Variants in SIN3A observed in about 807,000 individuals in gnomAD.
SIN3A encodes the protein paired amphipathic helix protein Sin3a.
Under a neutral mutation model 146.1 loss-of-function variants are expected in SIN3A, and 14 were observed. The observed-to-expected ratio is 0.10, with a 90% CI of 0.06 to 0.15. SIN3A has a LOEUF of 0.15. Ranked by LOEUF, SIN3A falls within the 10% of genes least tolerant of loss-of-function variation. The pLI, the probability that SIN3A is intolerant of heterozygous loss-of-function variation, is 1.00. For missense variants in SIN3A, 1,028 were observed against 1,576.0 expected (o/e 0.65, Z 5.89); for synonymous variants, 572 against 572.0 (o/e 1.00, Z 0.00).
intron 1 of SIN3A, among the ~76,000 whole-genome samples, chr15:75,430,686 C>A (rs979223201): frequency 2.1e-4 from 32 of 152,088 alleles, no homozygotes; most frequent in African/African-American, 7.7e-4. Flanking sequence ...ATAAACACAA[C>A]CTTGTTTCCC....
intron 1 of SIN3A, among the ~76,000 whole-genome samples, chr15:75,439,476 G>A (rs1354017222): frequency 6.6e-6 from 1 of 151,998 alleles, no homozygotes; most frequent in African/African-American, 2.4e-5. Flanking sequence ...AAGTAACTGG[G>A]ACTACAGGCG....
intron 3 of SIN3A, among the ~76,000 whole-genome samples, chr15:75,417,169 A>G (rs2073754664): frequency 6.6e-6 from 1 of 152,158 alleles, no homozygotes; most frequent in African/African-American, 2.4e-5. Context: ...ATCACAAAGA[A>G]GAACAGGTTG....
Position 75,401,355 on chromosome 15 carries a change from C to T in SIN3A, c.1527-415G>A, listed in dbSNP as rs375176135. Among the ~76,000 whole-genome samples the T allele has an allele frequency of 4.6e-5, 7 of 152,078 alleles. No homozygotes were observed. In the South Asian group the frequency reaches 1.0e-3, roughly 23 times the overall value. On this transcript the variant is annotated intron_variant, in intron 10 of 20. Transcript: ENST00000394947. Reference sequence around the variant, plus strand: ...CCAGCCTGGCCAACATGGTAAAACACCGTCTCTACTAAAAAACATAACAAA... The same window carrying T: ...CCAGCCTGGCCAACATGGTAAAACATCGTCTCTACTAAAAAACATAACAAA...
At chr15:75,399,370 T>C (rs560214844) in intron 12 of SIN3A, among the ~76,000 whole-genome samples, 1 of 151,416 alleles carries the variant, frequency 6.6e-6, no homozygotes, top group Non-Finnish European at 1.5e-5. Context: ...CTAATAAAAA[T>C]ACAAAAAATT....
intron 2 of SIN3A, among the ~76,000 whole-genome samples, chr15:75,427,297 T>C (rs2073941118): frequency 6.6e-6 from 1 of 151,788 alleles, no homozygotes; most frequent in Admixed American, 6.6e-5. Flanking sequence ...CACTTGAACC[T>C]GGAAGCCAGA....
At chr15:75,427,647 G>C (rs1177030184) in intron 2 of SIN3A, among the ~76,000 whole-genome samples, 1 of 149,532 alleles carries the variant, frequency 6.7e-6, no homozygotes, top group Non-Finnish European at 1.5e-5. Flanking sequence ...GCAACAGACA[G>C]AGAGTCTGTC....
chr15:75,433,765 T>C (rs1459383179), intron 1 of SIN3A, among the ~76,000 whole-genome samples: 1 of 151,912 alleles, frequency 6.6e-6, no homozygotes, highest in Admixed American at 6.6e-5. Flanking sequence ...GCCGAGATCA[T>C]GCCACTGCAC....
In SIN3A at chr15:75,382,071, G is replaced by C. The variant is rs184806311; in HGVS notation, c.3196-366C>G. ...CTGTCCATTGGTAATCCCACTTCTA[G>C]GACGTAATAGAGGAGGTAACTATCA... On this transcript the variant is annotated intron_variant, in intron 17 of 20. Coordinates refer to ENST00000394947, the MANE Select transcript of SIN3A (RefSeq NM_001145358.2). 8.5e-5 allele frequency among the ~76,000 whole-genome samples: 13 copies of C among 152,298 alleles called. No homozygotes were observed. The East Asian group carries it at 2.5e-3, about 29-fold the overall frequency.
At chr15:75,382,664 C>A (rs1033274339) in intron 17 of SIN3A, among the ~76,000 whole-genome samples, 4 of 152,130 alleles carry the variant, frequency 2.6e-5, no homozygotes, top group South Asian at 2.1e-4. Context: ...AGACCATTTC[C>A]GGTCAGATGC....
At chr15:75,429,892 A>T (rs544577691) in intron 2 of SIN3A, among the ~76,000 whole-genome samples, 1 of 152,352 alleles carries the variant, frequency 6.6e-6, no homozygotes, top group Admixed American at 6.5e-5. Context: ...CAATTATGTT[A>T]GTTTTTTTAA....
chr15:75,378,819 T>G (rs373850789), intron 19 of SIN3A, among the ~76,000 whole-genome samples: 3 of 151,676 alleles, frequency 2.0e-5, no homozygotes, highest in African/African-American at 7.3e-5. Flanking sequence ...GCAATGCCAC[T>G]CTATTCACTA....
chr15:75,404,685 G>C (rs772285525), intron 9 of SIN3A, among the ~76,000 whole-genome samples: 3 of 151,654 alleles, frequency 2.0e-5, no homozygotes, highest in Non-Finnish European at 4.4e-5. Flanking sequence ...GCGTGAACCC[G>C]GGAGGTGGAG....
At chr15:75,431,958 C>T (rs948050374) in intron 1 of SIN3A, among the ~76,000 whole-genome samples, 1 of 152,204 alleles carries the variant, frequency 6.6e-6, no homozygotes, top group Non-Finnish European at 1.5e-5. Flanking sequence ...AATATGCTCT[C>T]TGTGGCCTAT....
intron 17 of SIN3A, among the ~76,000 whole-genome samples, chr15:75,382,537 A>C (rs1487242203): frequency 1.3e-5 from 2 of 152,222 alleles, no homozygotes; most frequent in East Asian, 1.9e-4. Flanking sequence ...GAAAAATTGG[A>C]AACAACCTAA....
upstream of SIN3A, among the ~76,000 whole-genome samples, chr15:75,454,142 A>G (rs1595939295): frequency 2.0e-5 from 3 of 148,276 alleles, no homozygotes; most frequent in Admixed American, 2.0e-4. Flanking sequence ...ATCCGCAAGA[A>G]CCGTCCCTCC....
At chr15:75,417,081 C>G (rs145355126) in intron 3 of SIN3A, among the ~76,000 whole-genome samples, 1 of 151,610 alleles carries the variant, frequency 6.6e-6, no homozygotes, top group African/African-American at 2.4e-5. Context: ...CATGTTCTGC[C>G]TGAAATACCA....
At chr15:75,417,269 G>C (rs1403949428) in intron 3 of SIN3A, among the ~76,000 whole-genome samples, 3 of 151,754 alleles carry the variant, frequency 2.0e-5, no homozygotes, top group Non-Finnish European at 4.4e-5. Context: ...GATACGTTAA[G>C]TTTTATTTTG....
In SIN3A at chr15:75,389,512, T is replaced by A. The variant is rs2073157637; in HGVS notation, c.3021+140A>T. ...TTAACATGAGAAATCAGGCATCACA[T>A]TAACCTCCCCTCCTCTCTTCAGAAC... On this transcript the variant is annotated intron_variant, in intron 16 of 20. Transcript: ENST00000394947. 1.0e-5 allele frequency: 8 copies of A among 774,584 alleles called. No homozygotes were observed. The South Asian group carries it at 1.4e-4, about 14-fold the overall frequency. 48.0% of individuals were successfully genotyped at this position (774,584 alleles called of 1,614,324 possible).
Position 75,371,880 on chromosome 15 carries a change from G to A in SIN3A, c.*99C>T, listed in dbSNP as rs1342546085. Reference sequence around the variant, plus strand: ...GCCATGTCCCAGAGAGGCCCAGTGAGGCTTGAAAGGCATCTTCCTTGTTTC... The same window carrying A: ...GCCATGTCCCAGAGAGGCCCAGTGAAGCTTGAAAGGCATCTTCCTTGTTTC... On this transcript the variant is annotated 3_prime_UTR_variant, in exon 21 of 21. Coordinates refer to ENST00000394947, the MANE Select transcript of SIN3A (RefSeq NM_001145358.2). 1 of 1,106,532 alleles carries A rather than the reference G, an allele frequency of 9.0e-7. No individual in the cohort carries two copies. The highest frequency in any genetic ancestry group is 2.5e-5 in the East Asian group (1 of 40,584). 68.5% of individuals were successfully genotyped at this position (1,106,532 alleles called of 1,614,324 possible). A position where few individuals can be genotyped will look rare whatever the true frequency, so the allele number is the denominator to read the frequency against.
Sources: gnomAD v4.1 joint callset for allele counts (sites outside exome capture counted in the v4.1 genomes callset) on GRCh38, gnomAD v4.1.1 for gene constraint, MANE v1.5 for transcripts, NCBI Gene and HGNC (gene_info 2026-07-23, HGNC 2026-07-21) for gene names.